The following TANC2 variants were observed in gnomAD, a reference collection of about 807,000 sequenced individuals.
The protein encoded by TANC2 is tetratricopeptide repeat, ankyrin repeat and coiled-coil containing 2, also known as protein TANC2.
TANC2 carries 26 observed loss-of-function variants against 210.5 expected under a neutral mutation model. The ratio of observed to expected loss-of-function variants is 0.12; its 90% CI spans 0.09 to 0.17. The LOEUF (loss-of-function observed/expected upper bound fraction) is 0.17. TANC2 is among the 10% of genes least tolerant of loss of function. The probability of loss-of-function intolerance (pLI) is 1.00; values close to 1 mark genes in which losing one functional copy is unlikely to be tolerated. For missense variants in TANC2, 2,129 were observed against 2,608.9 expected (o/e 0.82, Z 4.01); for synonymous variants, 931 against 967.1 (o/e 0.96, Z 0.69).
At chr17:63,001,710 A>C (rs2143722641) in intron 1 of TANC2, among the ~76,000 whole-genome samples, 1 of 151,864 alleles carries the variant, frequency 6.6e-6, no homozygotes, top group South Asian at 2.1e-4. Flanking sequence ...ATGCCCGGCT[A>C]ACTTTTTTGT....
intron 8 of TANC2, among the ~76,000 whole-genome samples, chr17:63,239,470 C>G (rs1432046162): frequency 6.6e-6 from 1 of 152,166 alleles, no homozygotes; most frequent in Non-Finnish European, 1.5e-5. Context: ...ATGCTTCTTG[C>G]CATTCCCAGT....
At chr17:63,224,886 A>G (rs2042289684) in intron 7 of TANC2, among the ~76,000 whole-genome samples, 1 of 152,220 alleles carries the variant, frequency 6.6e-6, no homozygotes, top group South Asian at 2.1e-4. Context: ...AGGAAGTTCT[A>G]GCTGATCATC....
At chr17:63,118,732 A>G (rs117957056) in intron 4 of TANC2, among the ~76,000 whole-genome samples, 101 of 149,058 alleles carry the variant, frequency 6.8e-4, no homozygotes, top group African/African-American at 2.3e-3. Flanking sequence ...CCCTCACCCT[A>G]TTGAGTAGCT....
In TANC2 at chr17:63,090,245, G is replaced by A. The variant is rs1281186561; in HGVS notation, c.140-8930G>A. Among the ~76,000 whole-genome samples the A allele has an allele frequency of 2.0e-5, 3 of 149,502 alleles. No homozygotes were observed. The East Asian group carries it at 5.9e-4, about 29-fold the overall frequency. On this transcript the variant is annotated intron_variant, in intron 3 of 27. Coordinates refer to ENST00000689528, the Ensembl canonical transcript of TANC2. ...TTTTTTTTTGTACTTTAAGTTCTAG[G>A]GTACATGTGCACAATGTGCAGGTTT...
At chr17:62,982,952 TG>T (rs369139857) in intron 1 of TANC2, among the ~76,000 whole-genome samples, 15 of 152,344 alleles carry the variant, frequency 9.8e-5, no homozygotes, top group African/African-American at 3.6e-4. Flanking sequence ...TGAAGACTGT[TG>T]TGATTCCATG....
At chr17:63,130,168 G>A (rs2038866671) in intron 4 of TANC2, among the ~76,000 whole-genome samples, 1 of 152,060 alleles carries the variant, frequency 6.6e-6, no homozygotes, top group Non-Finnish European at 1.5e-5. Flanking sequence ...CAACTTAATT[G>A]TTTCTCTCAT....
At chr17:63,171,460 A>G (rs942016986) in intron 5 of TANC2, among the ~76,000 whole-genome samples, 2 of 152,180 alleles carry the variant, frequency 1.3e-5, no homozygotes, top group Admixed American at 6.5e-5. Flanking sequence ...TACAGTAGTC[A>G]CAATAGTTAC....
chr17:63,267,628 A>T, intron 8 of TANC2, 120 bp from the exon 9 acceptor site: 2 of 860,982 alleles, frequency 2.3e-6, no homozygotes, highest in Non-Finnish European at 3.4e-6. Flanking sequence ...TATATTACAT[A>T]TTTTGCATAT....
At chr17:63,122,596 G>A (rs781618832) in intron 4 of TANC2, among the ~76,000 whole-genome samples, 2 of 152,064 alleles carry the variant, frequency 1.3e-5, no homozygotes, top group Non-Finnish European at 2.9e-5. Flanking sequence ...ACTTAGCCAG[G>A]CATGGTGGTG....
At chr17:63,397,357 C>T (rs965126998) in intron 18 of TANC2, among the ~76,000 whole-genome samples, 1 of 152,092 alleles carries the variant, frequency 6.6e-6, no homozygotes, top group Non-Finnish European at 1.5e-5. Context: ...TAATTGAAAG[C>T]TTTTGTTGAT....
At chr17:63,112,951 A>G (rs960967402) in intron 4 of TANC2, among the ~76,000 whole-genome samples, 1 of 152,100 alleles carries the variant, frequency 6.6e-6, no homozygotes, top group African/African-American at 2.4e-5. Context: ...CATGGTCCCT[A>G]GGAAGTCTAA....
chr17:63,170,168 C>CTT (rs2040355214), intron 5 of TANC2, among the ~76,000 whole-genome samples: 1 of 151,490 alleles, frequency 6.6e-6, no homozygotes, highest in South Asian at 2.1e-4. Flanking sequence ...TGGCTCACAC[C>CTT]TGTAATCCCA....
chr17:63,267,946 G>A, intron 9 of TANC2, 73 bp downstream of exon 9: 1 of 1,520,548 alleles, frequency 6.6e-7, no homozygotes, highest in Non-Finnish European at 8.9e-7. Context: ...AAGTTGCTTT[G>A]TCTCCTATTC....
chr17:63,420,830 C>G lies in TANC2; in HGVS notation c.5100C>G (p.Asn1700Lys). The change falls in exon 28 of 28, where the codon AAC (asparagine) becomes AAG (lysine). Residue 1700 changes from asparagine (N) to lysine (K), a missense_variant. Physicochemically the swap from Asn to Lys is moderately conservative, Grantham distance 94. This residue lies in a region of TANC2 where 584 missense variants were observed against 627.3 expected (regional missense o/e 0.93). Transcript: ENST00000689528. This position sits in a 1 kb window ranked among gnomAD's most constrained non-coding sequence, Gnocchi z 4.2. ...CCAAGGCCCAGATTGTGAGAAGTAA[C>G]CAGCCCAGCCCAGCCGTCCATTCAA... 1 of 1,613,952 alleles carries G rather than the reference C, an allele frequency of 6.2e-7. No homozygotes were observed.
chr17:63,246,079 T>C (rs746605776), intron 8 of TANC2, among the ~76,000 whole-genome samples: 54 of 151,978 alleles, frequency 3.6e-4, no homozygotes, highest in Non-Finnish European at 6.8e-4. Flanking sequence ...TTTTCTTTGG[T>C]ATAGAAATAG....
intron 7 of TANC2, among the ~76,000 whole-genome samples, chr17:63,208,633 ATCT>A (rs1170348274): frequency 3.3e-5 from 5 of 152,318 alleles, no homozygotes; most frequent in Middle Eastern, 6.8e-3. Context: ...CCAATATTAA[ATCT>A]TCTAATCCAG....
At chr17:63,079,339 A>C (rs554864968) in intron 3 of TANC2, among the ~76,000 whole-genome samples, 4 of 152,266 alleles carry the variant, frequency 2.6e-5, no homozygotes, top group Admixed American at 2.6e-4. Flanking sequence ...AAACAGCTGG[A>C]AACTCATTGC....
rs139820900 is a variant in TANC2 at position 63,247,488 on chromosome 17, TA to T, written c.1033+9421del. Among the ~76,000 whole-genome samples, 747 of 149,714 alleles carry T rather than the reference TA, an allele frequency of 5.0e-3. 5 individuals are homozygous for T. The highest frequency in any genetic ancestry group is 0.017 in the African/African-American group (687 of 40,854). On this transcript the variant is annotated intron_variant, in intron 8 of 27. Coordinates refer to ENST00000689528, the Ensembl canonical transcript of TANC2. Reference sequence around the variant, plus strand: ...GTCCCTCCTCTTCCCCTACTCATGTTAAAAAAAAAATAGAAACAATTACATC... The same window carrying T: ...GTCCCTCCTCTTCCCCTACTCATGTTAAAAAAAAATAGAAACAATTACATC...
chr17:63,425,048 A>AG, exon 28 of TANC2: 1 of 152,372 alleles, frequency 6.6e-6, no homozygotes, highest in Middle Eastern at 3.4e-3. Flanking sequence ...TACAAAGTAA[A>AG]GGGAAAACCT....
Sources: allele counts gnomAD v4.1 joint callset (sites outside exome capture counted in the v4.1 genomes callset), GRCh38; gene constraint gnomAD v4.1.1; regional missense constraint gnomAD v4.1.1; non-coding constraint Gnocchi (gnomAD v3.1); transcripts MANE v1.5; gene names NCBI Gene and HGNC (gene_info 2026-07-23, HGNC 2026-07-21).